Variants in GBE1 observed in about 807,000 individuals in gnomAD.
The protein encoded by GBE1 is 1,4-alpha-glucan-branching enzyme.
In GBE1, 70 loss-of-function variants were observed where a neutral mutation model predicts 88.8. The ratio of observed to expected loss-of-function variants is 0.79; its 90% CI spans 0.65 to 0.96. The LOEUF (loss-of-function observed/expected upper bound fraction) is 0.96, where lower values mean the gene tolerates loss of function less well. Among genes scored for constraint, GBE1 ranks in the 40% least tolerant of loss-of-function variants. GBE1 has a pLI of 0.00. For synonymous variants in GBE1, 284 were observed against 300.1 expected (o/e 0.95, Z 0.56); for missense variants, 872 against 871.0 (o/e 1.00, Z -0.01).
At chr3:81,598,365 C>A (rs71326477) in intron 7 of GBE1, among the ~76,000 whole-genome samples, 20,057 of 150,942 alleles carry the variant, frequency 0.13, 1,960 homozygotes, top group East Asian at 0.37. Flanking sequence ...TCAATCGAGG[C>A]AGTAGATTGT....
chr3:81,650,576 T>A (rs1180278029), intron 3 of GBE1, among the ~76,000 whole-genome samples: 2 of 152,132 alleles, frequency 1.3e-5, no homozygotes, highest in Non-Finnish European at 2.9e-5. Flanking sequence ...TTTAACTGAA[T>A]CTACCATTAA....
At chr3:81,536,147 G>A (rs978804000) in intron 13 of GBE1, among the ~76,000 whole-genome samples, 1 of 151,606 alleles carries the variant, frequency 6.6e-6, no homozygotes, top group African/African-American at 2.4e-5. Flanking sequence ...ACTAATAAAC[G>A]TGATTAGGGC....
chr3:81,636,617 G>A (rs749818528), intron 7 of GBE1, among the ~76,000 whole-genome samples: 4 of 150,580 alleles, frequency 2.7e-5, no homozygotes, highest in Non-Finnish European at 4.4e-5. Flanking sequence ...TGCAACCTCC[G>A]CCTCCCAGGT....
intron 3 of GBE1, among the ~76,000 whole-genome samples, chr3:81,658,274 T>C (rs1704971050): frequency 9.9e-5 from 15 of 152,010 alleles, no homozygotes; most frequent in Admixed American, 9.8e-4. Flanking sequence ...GAAAAATAAA[T>C]CTGTAATGTG....
At chr3:81,653,956 T>C (rs1168393819) in intron 3 of GBE1, among the ~76,000 whole-genome samples, 6 of 152,146 alleles carry the variant, frequency 3.9e-5, no homozygotes, top group Non-Finnish European at 5.9e-5. Flanking sequence ...TAATCACACA[T>C]ACATCTGCAG....
intron 1 of GBE1, among the ~76,000 whole-genome samples, chr3:81,717,131 C>T (rs1705948598): frequency 6.6e-6 from 1 of 152,186 alleles, no homozygotes; most frequent in African/African-American, 2.4e-5. Context: ...GTTCAACTGA[C>T]CTTTCAGTTT....
At chr3:81,712,853 A>G (rs1371427136) in intron 1 of GBE1, among the ~76,000 whole-genome samples, 2 of 152,166 alleles carry the variant, frequency 1.3e-5, no homozygotes, top group African/African-American at 4.8e-5. Context: ...GTCTTTAAAA[A>G]GACTGCATGT....
intron 7 of GBE1, among the ~76,000 whole-genome samples, chr3:81,629,021 T>TG (rs1559668788): frequency 7.1e-6 from 1 of 141,184 alleles, no homozygotes; most frequent in Non-Finnish European, 1.5e-5. Flanking sequence ...TGTTTAAGTT[T>TG]TTTTTTTTTT....
At chr3:81,601,005 A>C (rs1360873863) in intron 7 of GBE1, among the ~76,000 whole-genome samples, 1 of 152,176 alleles carries the variant, frequency 6.6e-6, no homozygotes, top group African/African-American at 2.4e-5. Flanking sequence ...AACATCACTC[A>C]TCAATGGTAT....
At chr3:81,658,630 A>C (rs1343066394) in intron 3 of GBE1, among the ~76,000 whole-genome samples, 3 of 152,194 alleles carry the variant, frequency 2.0e-5, no homozygotes, top group Admixed American at 1.3e-4. Context: ...TAGCCTAGTT[A>C]AGGAGTATTA....
chr3:81,535,140 A>C (rs1301568762), intron 14 of GBE1, 55 bp downstream of exon 14: 52 of 1,432,334 alleles, frequency 3.6e-5, no homozygotes, highest in Non-Finnish European at 4.2e-5. Flanking sequence ...TTGTCCTATA[A>C]TGTAATAAAG....
At chr3:81,761,254 A>G in intron 1 of GBE1, 121 bp downstream of exon 1, 3 of 1,316,270 alleles carry the variant, frequency 2.3e-6, no homozygotes, top group Non-Finnish European at 2.1e-6. Context: ...CCGCCCACTC[A>G]GGTTCCTCCC....
chr3:81,553,098 G>A (rs1180681882), intron 12 of GBE1, among the ~76,000 whole-genome samples: 1 of 152,168 alleles, frequency 6.6e-6, no homozygotes, highest in Non-Finnish European at 1.5e-5. Context: ...TGAATGTACA[G>A]GCATTAGGGA....
At chr3:81,490,989 G>A (rs1457735528) in intron 15 of GBE1, among the ~76,000 whole-genome samples, 1 of 151,898 alleles carries the variant, frequency 6.6e-6, no homozygotes, top group Non-Finnish European at 1.5e-5. Context: ...TCTCTCCATG[G>A]CATGCAAAGC....
At chr3:81,743,707 G>T in intron 1 of GBE1, 1 of 908,794 alleles carries the variant, frequency 1.1e-6, no homozygotes, top group South Asian at 1.8e-5. Context: ...AGAAAGACCA[G>T]ATTTACTTTG....
intron 7 of GBE1, among the ~76,000 whole-genome samples, chr3:81,640,594 C>G (rs926947680): frequency 2.0e-5 from 3 of 151,584 alleles, no homozygotes; most frequent in African/African-American, 7.3e-5. Flanking sequence ...TAATAAACTC[C>G]CCTTGATAAA....
At chr3:81,643,341 A>T (rs558317036) in intron 6 of GBE1, among the ~76,000 whole-genome samples, 59 of 152,216 alleles carry the variant, frequency 3.9e-4, no homozygotes, top group African/African-American at 6.5e-4. Context: ...CCCATTACTT[A>T]CAGGGTGTAC....
chr3:81,675,763 A>G (rs2107121913), intron 2 of GBE1, among the ~76,000 whole-genome samples: 1 of 152,232 alleles, frequency 6.6e-6, no homozygotes, highest in East Asian at 1.9e-4. Flanking sequence ...TTATTATTTC[A>G]GTTTTGGCAA....
At chr3:81,531,967 T>G (rs2106864740) in intron 14 of GBE1, among the ~76,000 whole-genome samples, 1 of 152,166 alleles carries the variant, frequency 6.6e-6, no homozygotes, top group African/African-American at 2.4e-5. Context: ...GGCTGAATTC[T>G]GCCCATGTTA....
Sources: allele counts gnomAD v4.1 joint callset (sites outside exome capture counted in the v4.1 genomes callset), GRCh38; gene constraint gnomAD v4.1.1; transcripts MANE v1.5; gene names NCBI Gene and HGNC (gene_info 2026-07-23, HGNC 2026-07-21).